The following DISC1 variants were observed in gnomAD, a reference collection of about 807,000 sequenced individuals.
The protein encoded by DISC1 is DISC1 scaffold protein.
In DISC1, 57 loss-of-function variants were observed where a neutral mutation model predicts 84.5. The observed-to-expected ratio is 0.67, with a 90% CI of 0.55 to 0.84. The LOEUF (loss-of-function observed/expected upper bound fraction) is 0.84. DISC1 is among the 40% of genes least tolerant of loss of function. The probability of loss-of-function intolerance (pLI) is 0.00; values close to 1 mark genes in which losing one functional copy is unlikely to be tolerated. For synonymous variants in DISC1, 411 were observed against 415.2 expected, an observed-to-expected ratio of 0.99 and a Z score of 0.12; for missense variants, 1,000 against 1,057.8, an observed-to-expected ratio of 0.95 and a Z score of 0.76.
At chr1:231,865,610 C>T (rs2084997918) in intron 9 of DISC1, among the ~76,000 whole-genome samples, 1 of 152,210 alleles carries the variant, frequency 6.6e-6, no homozygotes, top group Non-Finnish European at 1.5e-5. Context: ...ACTTCTCATT[C>T]TCCCTTCCCC....
intron 1 of DISC1, among the ~76,000 whole-genome samples, chr1:231,660,421 C>T (rs2061478411): frequency 6.6e-6 from 1 of 151,886 alleles, no homozygotes; most frequent in Non-Finnish European, 1.5e-5. Context: ...TGGCTCTGTC[C>T]AGCTTGCCAT....
chr1:231,642,939 A>G (rs1325791307), intron 1 of DISC1, among the ~76,000 whole-genome samples: 3 of 152,210 alleles, frequency 2.0e-5, no homozygotes, highest in African/African-American at 7.2e-5. Flanking sequence ...TAAAACCGTT[A>G]TGAAAATGTA....
chr1:231,936,985 T>G (rs1232926754), intron 9 of DISC1, among the ~76,000 whole-genome samples: 4 of 152,182 alleles, frequency 2.6e-5, no homozygotes, highest in Non-Finnish European at 5.9e-5. Flanking sequence ...TTATAACATG[T>G]CCCTGTGATA....
At chr1:231,682,468 G>T (rs1407547818) in intron 1 of DISC1, among the ~76,000 whole-genome samples, 1 of 152,236 alleles carries the variant, frequency 6.6e-6, no homozygotes, top group South Asian at 2.1e-4. Context: ...GGTATAGCAC[G>T]GTTAAAGTCA....
chr1:231,788,979 A>G (rs1453730285), intron 6 of DISC1, among the ~76,000 whole-genome samples: 2 of 152,156 alleles, frequency 1.3e-5, no homozygotes, highest in African/African-American at 4.8e-5. Flanking sequence ...TGTGTACCAA[A>G]CACTTCAAGT....
rs1458869873 is a variant in DISC1, at chr1:231,780,248, AAAAG to A, written c.1634+9182_1634+9185del. Among the ~76,000 whole-genome samples, 21 of 151,300 alleles carry A rather than the reference AAAAG, an allele frequency of 1.4e-4. No individual in the cohort carries two copies. The East Asian group carries it at 3.1e-3, about 22-fold the overall frequency. ...AACTTAAAGTATAATAAAAAAAAAA[AAAAG>A]AAAAGGAAAGAATGAAAAAAAAAAG... On this transcript the variant is annotated intron_variant, in intron 6 of 12. Transcript: ENST00000439617.
chr1:231,781,385 A>G (rs539916950), intron 6 of DISC1, among the ~76,000 whole-genome samples: 2 of 152,256 alleles, frequency 1.3e-5, no homozygotes, highest in East Asian at 3.9e-4. Context: ...TTGTTTAGGT[A>G]GCTCTTTGGA....
intron 9 of DISC1, among the ~76,000 whole-genome samples, chr1:231,882,407 G>C (rs552893567): frequency 6.6e-6 from 1 of 152,274 alleles, no homozygotes; most frequent in African/African-American, 2.4e-5. Context: ...GAGAAACGTA[G>C]TTGACAGGAA....
At chr1:231,775,100 A>G (rs1462751121) in intron 6 of DISC1, among the ~76,000 whole-genome samples, 1 of 152,242 alleles carries the variant, frequency 6.6e-6, no homozygotes, top group African/African-American at 2.4e-5. Context: ...TAGTATTGTT[A>G]CAAAACCTAG....
chr1:231,832,771 T>A (rs1444222085), intron 9 of DISC1, among the ~76,000 whole-genome samples: 1 of 146,572 alleles, frequency 6.8e-6, no homozygotes, highest in East Asian at 2.1e-4. Flanking sequence ...ACAGGGTGGA[T>A]AGGCAAAACA....
intron 10 of DISC1, among the ~76,000 whole-genome samples, chr1:231,972,509 G>C (rs1227848163): frequency 6.6e-6 from 1 of 152,172 alleles, no homozygotes; most frequent in Non-Finnish European, 1.5e-5. Context: ...TAGCAGCTGT[G>C]ATGATGAGAG....
chr1:231,799,230 C>T (rs1445446835), intron 7 of DISC1, among the ~76,000 whole-genome samples: 1 of 152,144 alleles, frequency 6.6e-6, no homozygotes, highest in Non-Finnish European at 1.5e-5. Context: ...TCTCAAACCT[C>T]ACTGAGAGTT....
intron 3 of DISC1, among the ~76,000 whole-genome samples, chr1:231,732,113 A>G (rs1010158100): frequency 6.6e-6 from 1 of 152,170 alleles, no homozygotes; most frequent in African/African-American, 2.4e-5. Context: ...CTTGCCCTCC[A>G]CTGTCATGAG....
intron 1 of DISC1, among the ~76,000 whole-genome samples, chr1:231,636,039 A>G (rs2059169112): frequency 6.6e-6 from 1 of 152,174 alleles, no homozygotes; most frequent in African/African-American, 2.4e-5. Context: ...AGATGGATGG[A>G]TAGATGGAGG....
intron 4 of DISC1, among the ~76,000 whole-genome samples, chr1:231,764,844 G>T (rs894963460): frequency 1.3e-5 from 2 of 152,118 alleles, no homozygotes; most frequent in Non-Finnish European, 2.9e-5. Flanking sequence ...CCTTTGCCAG[G>T]CCAGTTTGTT....
intron 9 of DISC1, among the ~76,000 whole-genome samples, chr1:231,866,269 C>T (rs2085048888): frequency 6.6e-6 from 1 of 152,108 alleles, no homozygotes; most frequent in Admixed American, 6.5e-5. Flanking sequence ...ATTTAAATTC[C>T]AGTTTCAGCT....
chr1:231,749,581 A>G (rs2074374233), intron 3 of DISC1, among the ~76,000 whole-genome samples: 1 of 152,196 alleles, frequency 6.6e-6, no homozygotes, highest in African/African-American at 2.4e-5. Context: ...TATAAAACTC[A>G]CCAAAATTAT....
At chr1:231,802,912 C>T (rs1046004847) in intron 8 of DISC1, among the ~76,000 whole-genome samples, 1 of 152,028 alleles carries the variant, frequency 6.6e-6, no homozygotes, top group African/African-American at 2.4e-5. Context: ...GAGGCTTCTG[C>T]CTACTACCAA....
chr1:231,655,737 T>C (rs1156666451), intron 1 of DISC1, among the ~76,000 whole-genome samples: 2 of 152,034 alleles, frequency 1.3e-5, no homozygotes, highest in African/African-American at 4.8e-5. Flanking sequence ...GCTTTTCCTT[T>C]TCACCATATC....
Sources: gnomAD v4.1 joint callset for allele counts (sites outside exome capture counted in the v4.1 genomes callset) on GRCh38, gnomAD v4.1.1 for gene constraint, MANE v1.5 for transcripts, NCBI Gene and HGNC (gene_info 2026-07-23, HGNC 2026-07-21) for gene names.